HIP1: variants seen among roughly 807,000 people sequenced by gnomAD.
HIP1 encodes huntingtin-interacting protein 1.
In HIP1, 65 loss-of-function variants were observed where a neutral mutation model predicts 147.6. The observed-to-expected ratio is 0.44, with a 90% confidence interval of 0.36 to 0.54. The LOEUF is 0.54. Ranked by LOEUF, HIP1 falls within the 20% of genes least tolerant of loss-of-function variation. HIP1 has a pLI of 0.00. For missense variants in HIP1, 1,061 were observed against 1,299.6 expected, an observed-to-expected ratio of 0.82 and a Z score of 2.82; for synonymous variants, 479 against 504.0, an observed-to-expected ratio of 0.95 and a Z score of 0.67.
chr7:75,721,368 T>C (rs1554521345), intron 1 of HIP1, among the ~76,000 whole-genome samples: 1 of 151,674 alleles, frequency 6.6e-6, no homozygotes. Flanking sequence ...AGCAGGACTC[T>C]ATCTAAAAAA....
rs181163066 is a variant in HIP1 at position 75,601,414 on chromosome 7, C to A, written c.121-2167G>T. Among the ~76,000 whole-genome samples, 871 of 151,946 alleles carry A rather than the reference C, an allele frequency of 5.7e-3. 6 individuals are homozygous for A. Among genetic ancestry groups the A allele is most frequent in the African/African-American group, 0.02 (825 of 41,470 alleles). The stretch of plus-strand genomic sequence containing the variant: ...GACCAGCCTGGCCAACATGGTGAAA[C>A]CCCATCTCTACTAAAAATACAAAAA... On this transcript the variant is annotated intron_variant, in intron 1 of 30. Coordinates refer to ENST00000336926, the MANE Select transcript of HIP1 (RefSeq NM_005338.7).
intron 1 of HIP1, among the ~76,000 whole-genome samples, chr7:75,709,912 A>G (rs1801119076): frequency 6.6e-6 from 1 of 152,034 alleles, no homozygotes. Flanking sequence ...ACATGGTGTC[A>G]TTCTGTCAGA....
chr7:75,550,664 C>T (rs892245770), intron 22 of HIP1, among the ~76,000 whole-genome samples: 1 of 152,272 alleles, frequency 6.6e-6, no homozygotes, highest in Non-Finnish European at 1.5e-5. Flanking sequence ...CCTCCCGCTT[C>T]GGCCTCCCAA....
intron 22 of HIP1, among the ~76,000 whole-genome samples, chr7:75,549,347 TCTTTTG>T (rs1418405262): frequency 2.0e-5 from 3 of 149,968 alleles, no homozygotes; most frequent in East Asian, 2.0e-4. Flanking sequence ...TTTTTCTTTT[TCTTTTG>T]CTTTCTTTCT....
chr7:75,730,948 T>G (rs907053988), intron 1 of HIP1, among the ~76,000 whole-genome samples: 1 of 150,828 alleles, frequency 6.6e-6, no homozygotes, highest in African/African-American at 2.4e-5. Flanking sequence ...TTGGCCAGGA[T>G]GGTCTCGAAC....
intron 23 of HIP1, 101 bp downstream of exon 23, chr7:75,548,790 G>T: frequency 1.1e-6 from 1 of 898,042 alleles, no homozygotes; most frequent in Non-Finnish European, 1.8e-6. Flanking sequence ...TTAGGGGGTT[G>T]CCATGGCCTT....
intron 4 of HIP1, among the ~76,000 whole-genome samples, chr7:75,589,793 C>A (rs1239152536): frequency 7.1e-6 from 1 of 141,494 alleles, no homozygotes; most frequent in Non-Finnish European, 1.5e-5. Context: ...TGCAGTGGTG[C>A]GATCTCGGCT....
intron 2 of HIP1, among the ~76,000 whole-genome samples, chr7:75,598,040 C>T (rs587730269): frequency 1.2e-4 from 18 of 152,280 alleles, no homozygotes; most frequent in Admixed American, 7.2e-4. Context: ...GTCTTCTTCC[C>T]CCTGGCATAG....
chr7:75,539,432 C>T lies in HIP1; in HGVS notation c.2953-1G>A. ...CATTTTCTAGCTCTAGCACCCTAAC[C>T]TGTAAGGGAAATTAAGTGGGATTTT... is the stretch of plus-strand genomic sequence containing the variant. On this transcript the variant is annotated splice_acceptor_variant, in intron 29 of 30. Transcript: ENST00000336926. LOFTEE classifies it high-confidence loss of function. The T allele has an allele frequency of 6.2e-7, 1 of 1,608,088 alleles. No homozygotes were observed. The highest frequency in any genetic ancestry group is 8.5e-7 in the Non-Finnish European group (1 of 1,174,564).
rs75296509 is a variant in HIP1 at position 75,535,729 on chromosome 7, G to A, written c.*2443C>T. The A allele has an allele frequency of 6.7e-6, 1 of 148,594 alleles. No homozygotes were observed. The highest frequency in any genetic ancestry group is 1.4e-5 in the Non-Finnish European group (1 of 71,374). The allele number at this position is 148,594 out of a possible 1,614,324, so 9.2% of individuals were successfully genotyped here. A position where few individuals can be genotyped will look rare whatever the true frequency, so the allele number is the denominator to read the frequency against. Reference sequence around the variant, plus strand: ...CCATTTGTAATTTTTTTTTTTTTTTGAGACGGAGTTTTGCTCTTGTTGCCC... The same window carrying A: ...CCATTTGTAATTTTTTTTTTTTTTTAAGACGGAGTTTTGCTCTTGTTGCCC... On this transcript the variant is annotated 3_prime_UTR_variant, in exon 31 of 31. Coordinates refer to ENST00000336926, the MANE Select transcript of HIP1 (RefSeq NM_005338.7).
At chr7:75,719,655 A>T (rs1214607245) in intron 1 of HIP1, among the ~76,000 whole-genome samples, 1 of 152,118 alleles carries the variant, frequency 6.6e-6, no homozygotes, top group Non-Finnish European at 1.5e-5. Context: ...TCCTGGGCTC[A>T]AGTGATCCAC....
chr7:75,678,488 C>T (rs549807609), intron 1 of HIP1, among the ~76,000 whole-genome samples: 124 of 151,918 alleles, frequency 8.2e-4, no homozygotes, highest in Non-Finnish European at 1.6e-3. Context: ...GGATTACAGG[C>T]GCCCGCCACC....
chr7:75,738,372 G>A (rs1375803053), intron 1 of HIP1, among the ~76,000 whole-genome samples: 2 of 152,064 alleles, frequency 1.3e-5, no homozygotes, highest in African/African-American at 4.8e-5. Flanking sequence ...GGGAAGAGAG[G>A]TCCCCTCACC....
intron 1 of HIP1, among the ~76,000 whole-genome samples, chr7:75,723,641 C>A (rs113833451): frequency 2.0e-5 from 3 of 152,000 alleles, no homozygotes; most frequent in African/African-American, 7.3e-5. Flanking sequence ...CCTCCCACAT[C>A]TCAGAGTTAG....
At position 75,583,171 on chromosome 7, in the gene HIP1, TC is replaced by T. The variant is rs587639459; in HGVS notation, c.466-1021del. On this transcript the variant is annotated intron_variant, in intron 5 of 30. Transcript: ENST00000336926. ...CCTCCTGCTCCCTCTCCTCCCCATC[TC>T]TCTGCCTGCCTTTGCTTCCTGGCTC... 1.1e-4 allele frequency among the ~76,000 whole-genome samples: 16 copies of T among 152,114 alleles called. No homozygotes were observed. In the South Asian group the frequency reaches 3.1e-3, roughly 30 times the overall value.
At chr7:75,700,526 G>A (rs2117323790) in intron 1 of HIP1, among the ~76,000 whole-genome samples, 1 of 152,230 alleles carries the variant, frequency 6.6e-6, no homozygotes, top group South Asian at 2.1e-4. Flanking sequence ...GGTGGGATCT[G>A]TTTTTTCACA....
chr7:75,648,418 G>A (rs1221244545), intron 1 of HIP1, among the ~76,000 whole-genome samples: 1 of 152,108 alleles, frequency 6.6e-6, no homozygotes, highest in Non-Finnish European at 1.5e-5. Context: ...CAAAGCCCCT[G>A]TAGATTCAGT....
chr7:75,539,437 A>C lies in HIP1; in HGVS notation c.2953-6T>G. 6.2e-7 allele frequency: 1 copy of C among 1,601,658 alleles called. No homozygotes were observed. Among genetic ancestry groups the C allele is most frequent in the Non-Finnish European group, 8.6e-7 (1 of 1,168,858 alleles). ...TCTAGCTCTAGCACCCTAACCTGTAAGGGAAATTAAGTGGGATTTTCTCTT... is the reference window on the plus strand; with the variant it reads ...TCTAGCTCTAGCACCCTAACCTGTACGGGAAATTAAGTGGGATTTTCTCTT... On this transcript the variant is annotated splice_polypyrimidine_tract_variant and splice_region_variant and intron_variant, in intron 29 of 30. Coordinates refer to ENST00000336926, the MANE Select transcript of HIP1 (RefSeq NM_005338.7).
In HIP1 at chr7:75,592,356, A is replaced by C; in HGVS notation, c.327+16T>G. 1 of 1,595,726 alleles carries C rather than the reference A, an allele frequency of 6.3e-7. No homozygotes were observed. The highest frequency in any genetic ancestry group is 8.5e-7 in the Non-Finnish European group (1 of 1,172,222). On this transcript the variant is annotated intron_variant, in intron 3 of 30. Transcript: ENST00000336926. ...GATCCCTGGCTCCCTGCCACCCCAT[A>C]GCCCCAGGAACTCACGTTCGGGTGT...
Sources: gnomAD v4.1 joint callset for allele counts (sites outside exome capture counted in the v4.1 genomes callset) on GRCh38, gnomAD v4.1.1 for gene constraint, MANE v1.5 for transcripts, NCBI Gene and HGNC (gene_info 2026-07-23, HGNC 2026-07-21) for gene names.